RLF: variants seen among roughly 807,000 people sequenced by gnomAD.
RLF encodes zinc finger protein Rlf.
A neutral mutation model predicts 162.9 loss-of-function variants in RLF; 7 were observed. The ratio of observed to expected loss-of-function variants is 0.04; its 90% CI spans 0.02 to 0.08. The LOEUF (loss-of-function observed/expected upper bound fraction) is 0.08, where lower values mean the gene tolerates loss of function less well. Ranked by LOEUF, RLF falls within the 10% of genes least tolerant of loss-of-function variation. RLF has a pLI of 1.00. For missense variants in RLF, 1,664 were observed against 2,244.7 expected (o/e 0.74, Z 5.23); for synonymous variants, 782 against 791.5 (o/e 0.99, Z 0.20).
rs139937320 is a variant in RLF at position 40,217,119 on chromosome 1, A to G, written c.811-5455A>G. Among the ~76,000 whole-genome samples the G allele has an allele frequency of 1.6e-3, 244 of 152,242 alleles. 1 individual carries two copies. Among genetic ancestry groups the G allele is most frequent in the African/African-American group, 5.6e-3 (231 of 41,534 alleles). On this transcript the variant is annotated intron_variant, in intron 5 of 7. Transcript: ENST00000372771. Reference sequence around the variant, plus strand: ...TGTTCTTATTGATCTCTTTGCCTCTATATTCTCCTCACCTTCTCCTTTTTT... The same window carrying G: ...TGTTCTTATTGATCTCTTTGCCTCTGTATTCTCCTCACCTTCTCCTTTTTT...
rs1238422482 is a variant in RLF at position 40,237,174 on chromosome 1, G to A, written c.2472G>A (p.Met824Ile). ...SKIEYQNHLS[M>I]HNVENSNGDI... ...TTGAATACCAGAATCACCTCTCAAT[G>A]CATAATGTTGAAAATTCAAATGGAG... Residue 824 changes from methionine to isoleucine, a missense_variant, in exon 8 of 8, where the codon ATG (methionine) becomes ATA (isoleucine). Physicochemically the swap from Met to Ile is conservative, Grantham distance 10 (BLOSUM62 1). Transcript: ENST00000372771. The surrounding 1 kb of genome is among the most constrained non-coding windows in gnomAD (Gnocchi z 4.4). The A allele has an allele frequency of 6.2e-7, 1 of 1,613,826 alleles. No homozygotes were observed. Among genetic ancestry groups the A allele is most frequent in the Non-Finnish European group, 8.5e-7 (1 of 1,179,960 alleles).
At position 40,231,669 on chromosome 1, in the gene RLF, T is replaced by G; in HGVS notation, c.1089+11T>G. On this transcript the variant is annotated intron_variant, in intron 7 of 7. Transcript: ENST00000372771. ...GTTATACAAACTGAAGTGAGTACTT[T>G]ATGCCTTCTCTGCTAACTGTAGCTG... 6.2e-7 allele frequency: 1 copy of G among 1,602,808 alleles called. No homozygotes were observed. The highest frequency in any genetic ancestry group is 1.3e-5 in the African/African-American group (1 of 74,460).
rs748679809 is a variant in RLF, at chr1:40,237,373, A to G, written c.2671A>G (p.Asn891Asp). ...DTETAENLKE[N>D]SDSNSSDQLS... ...AGAAACTGCAGAAAACCTGAAAGAAAACAGTGACAGTAATTCTAGTGATCA... is the reference window on the plus strand; with the variant it reads ...AGAAACTGCAGAAAACCTGAAAGAAGACAGTGACAGTAATTCTAGTGATCA... The change falls in exon 8 of 8, where the codon AAC becomes GAC. Residue 891 changes from asparagine to aspartate, a missense_variant. Transcript: ENST00000372771. The surrounding 1 kb of genome is among the most constrained non-coding windows in gnomAD (Gnocchi z 4.4). 3.1e-6 allele frequency: 5 copies of G among 1,613,780 alleles called. No individual in the cohort carries two copies. The African/African-American group carries it at 5.3e-5, about 17-fold the overall frequency.
rs543466563 is a variant in RLF, at chr1:40,190,752, C to G, written c.393-20C>G. 6.6e-7 allele frequency: 1 copy of G among 1,515,418 alleles called. No individual in the cohort carries two copies. Among genetic ancestry groups the G allele is most frequent in the South Asian group, 1.1e-5 (1 of 88,304 alleles). The allele number at this position is 1,515,418 out of a possible 1,614,324, so 93.9% of individuals were successfully genotyped here. On this transcript the variant is annotated intron_variant, in intron 2 of 7. Transcript: ENST00000372771. ...TTATTACTATAACCACCTTTATATA[C>G]TTACTCATTTTTATTGTAGGAGTTG...
In RLF at chr1:40,161,602, T is replaced by G. The variant is rs1467745288; in HGVS notation, c.203T>G (p.Val68Gly). 6.2e-7 allele frequency: 1 copy of G among 1,612,466 alleles called. No individual in the cohort carries two copies. The highest frequency in any genetic ancestry group is 8.5e-7 in the Non-Finnish European group (1 of 1,179,366). Residue 68 changes from valine to glycine, a missense_variant, in exon 1 of 8, where the codon GTC becomes GGC. Around this residue, in one of 15 missense-constraint regions of RLF, gnomAD observed 134 missense variants for 124.3 expected, o/e 1.08. Coordinates refer to ENST00000372771, the MANE Select transcript of RLF (RefSeq NM_012421.4). The surrounding 1 kb of genome is among the most constrained non-coding windows in gnomAD (Gnocchi z 4.4). ...TELREQEVSEVSSLNYCRSFC... is the reference protein window; with the variant it reads ...TELREQEVSEGSSLNYCRSFC... ...CTGAGGGAGCAAGAGGTGTCGGAGG[T>G]CTCATCTTTGAACTACTGCCGGAGC... is the stretch of plus-strand genomic sequence containing the variant.
At chr1:40,206,988 T>C (rs1223864481) in intron 5 of RLF, among the ~76,000 whole-genome samples, 1 of 152,240 alleles carries the variant, frequency 6.6e-6, no homozygotes, top group African/African-American at 2.4e-5. Context: ...TTATTATAAA[T>C]ATATACTAAC....
intron 1 of RLF, among the ~76,000 whole-genome samples, chr1:40,179,298 T>G (rs530969859): frequency 8.1e-4 from 123 of 152,348 alleles, no homozygotes; most frequent in Admixed American, 2.5e-3. Flanking sequence ...TTCCCTCTGT[T>G]GTTACACAAC....
In RLF at chr1:40,237,761, G is replaced by A. The variant is rs779183132; in HGVS notation, c.3059G>A (p.Ser1020Asn). 1 of 1,614,070 alleles carries A rather than the reference G, an allele frequency of 6.2e-7. No homozygotes were observed. The highest frequency in any genetic ancestry group is 8.5e-7 in the Non-Finnish European group (1 of 1,180,008). ...AEPKPCSDTNSDSPDEGLDHN... is the reference protein window; with the variant it reads ...AEPKPCSDTNNDSPDEGLDHN... ...CCTAAACCCTGCTCAGATACAAACA[G>A]TGACTCCCCAGATGAAGGTCTAGAT... Residue 1020 changes from serine (S) to asparagine (N), a missense_variant, in exon 8 of 8, where the codon AGT becomes AAT. By Grantham distance (46) the Ser-to-Asn change is conservative (BLOSUM62 1). Around this residue, in one of 15 missense-constraint regions of RLF, gnomAD observed 295 missense variants for 317.4 expected, o/e 0.93. Transcript: ENST00000372771. The surrounding 1 kb of genome is among the most constrained non-coding windows in gnomAD (Gnocchi z 4.4).
At position 40,192,900 on chromosome 1, in the gene RLF, ACT is replaced by A. The variant is rs371599164; in HGVS notation, c.474+2050_474+2051del. On this transcript the variant is annotated intron_variant, in intron 3 of 7. Transcript: ENST00000372771. ...TTTTCCTATGGACATAAAAATATAC[ACT>A]CTGCAAATGATTTTTTAATGAAAAA... Among the ~76,000 whole-genome samples, 152 of 152,222 alleles carry A rather than the reference ACT, an allele frequency of 1.0e-3. 1 individual carries two copies. Among genetic ancestry groups the A allele is most frequent in the Non-Finnish European group, 1.6e-3 (110 of 67,992 alleles).
At position 40,195,813 on chromosome 1, in the gene RLF, G is replaced by C. The variant is rs750056991; in HGVS notation, c.607+49G>C. On this transcript the variant is annotated intron_variant, in intron 4 of 7. Transcript: ENST00000372771. ...TGAGGATTTAGTTCTGAGAACGTTGGAATTGATTATGGGTTAAAATTTTGG... is the reference window on the plus strand; with the variant it reads ...TGAGGATTTAGTTCTGAGAACGTTGCAATTGATTATGGGTTAAAATTTTGG... The C allele has an allele frequency of 1.9e-6, 3 of 1,560,182 alleles. No individual in the cohort carries two copies. In the East Asian group the frequency reaches 6.9e-5, roughly 36 times the overall value.
chr1:40,185,517 TAAAA>T lies in RLF; in HGVS notation c.238-3515_238-3512del, dbSNP rs769379758. Among the ~76,000 whole-genome samples, 167 of 23,714 alleles carry T rather than the reference TAAAA, an allele frequency of 7.0e-3. 2 individuals carry two copies. The highest frequency in any genetic ancestry group is 0.056 in the East Asian group (26 of 468). The allele number at this position is 23,714 out of a possible 152,430, so 15.6% of individuals were successfully genotyped here. A position where few individuals can be genotyped will look rare whatever the true frequency, so the allele number is the denominator to read the frequency against. ...TAATCCTTTCAACCTAATCTTGCAT[TAAAA>T]AAAAAAAAAAAAAAAAAAAAAAGCC... On this transcript the variant is annotated intron_variant, in intron 1 of 7. Transcript: ENST00000372771.
intron 1 of RLF, among the ~76,000 whole-genome samples, chr1:40,167,235 C>T (rs1642180134): frequency 6.6e-6 from 1 of 152,172 alleles, no homozygotes; most frequent in African/African-American, 2.4e-5. Flanking sequence ...AATCAGTCCC[C>T]TTACCTTGAG....
chr1:40,192,991 C>T (rs1557745328), intron 3 of RLF, among the ~76,000 whole-genome samples: 1 of 151,964 alleles, frequency 6.6e-6, no homozygotes, highest in Non-Finnish European at 1.5e-5. Context: ...TCTAAGATTG[C>T]ATATGTAGAT....
At chr1:40,214,406 A>G (rs1018175926) in intron 5 of RLF, among the ~76,000 whole-genome samples, 2 of 152,216 alleles carry the variant, frequency 1.3e-5, no homozygotes, top group Non-Finnish European at 2.9e-5. Flanking sequence ...TAAATCTCAT[A>G]AGAATATCAC....
intron 5 of RLF, among the ~76,000 whole-genome samples, chr1:40,204,636 G>A (rs1051256853): frequency 1.3e-5 from 2 of 151,062 alleles, no homozygotes. Context: ...TGCCCAGGCT[G>A]GTCTCGAACT....
chr1:40,200,345 C>T (rs562990571), intron 4 of RLF, among the ~76,000 whole-genome samples: 11 of 152,208 alleles, frequency 7.2e-5, no homozygotes, highest in Admixed American at 3.9e-4. Context: ...TTAGCAATTC[C>T]GCATCTAGGA....
intron 4 of RLF, among the ~76,000 whole-genome samples, chr1:40,200,759 T>TAG (rs1316236553): frequency 6.6e-6 from 1 of 150,880 alleles, no homozygotes; most frequent in African/African-American, 2.5e-5. Context: ...ATTATATATA[T>TAG]ATATATGTTT....
At chr1:40,182,913 CACTTA>C (rs1372016971) in intron 1 of RLF, among the ~76,000 whole-genome samples, 2 of 152,070 alleles carry the variant, frequency 1.3e-5, no homozygotes, top group African/African-American at 4.8e-5. Flanking sequence ...TTACTCTAGC[CACTTA>C]ACTTTCTGGT....
At chr1:40,184,531 G>A (rs1304790638) in intron 1 of RLF, among the ~76,000 whole-genome samples, 1 of 152,182 alleles carries the variant, frequency 6.6e-6, no homozygotes, top group South Asian at 2.1e-4. Context: ...ATTTGCTGGG[G>A]AAGATGTTTG....
Sources: gnomAD v4.1 joint callset for allele counts (sites outside exome capture counted in the v4.1 genomes callset) on GRCh38, gnomAD v4.1.1 for gene constraint, gnomAD v4.1.1 regional missense constraint, Gnocchi (gnomAD v3.1) non-coding constraint, MANE v1.5 for transcripts, NCBI Gene and HGNC (gene_info 2026-07-23, HGNC 2026-07-21) for gene names.